The following PCDH15 variants were observed in gnomAD, a reference collection of about 807,000 sequenced individuals.
PCDH15 encodes the protein protocadherin related 15, also known as protocadherin-15.
Under a neutral mutation model 178.5 loss-of-function variants are expected in PCDH15, and 129 were observed. That is an observed-to-expected ratio of 0.72 (90% CI 0.63 to 0.84). PCDH15 has a LOEUF of 0.84. PCDH15 is among the 40% of genes least tolerant of loss of function. The pLI, the probability that PCDH15 is intolerant of heterozygous loss-of-function variation, is 0.00. For missense variants in PCDH15, 2,230 were observed against 2,099.9 expected (o/e 1.06, Z -1.21); for synonymous variants, 800 against 732.0 (o/e 1.09, Z -1.50).
chr10:55,323,413 C>T (rs1019527342), upstream of PCDH15, among the ~76,000 whole-genome samples: 1 of 152,120 alleles, frequency 6.6e-6, no homozygotes, highest in African/African-American at 2.4e-5. Context: ...CTTGGAAAAG[C>T]CAGAGACACT....
At chr10:55,468,895 T>A (rs1839898221) in intron 2 of PCDH15, among the ~76,000 whole-genome samples, 1 of 152,178 alleles carries the variant, frequency 6.6e-6, no homozygotes, top group Non-Finnish European at 1.5e-5. Flanking sequence ...GTCACCTAAT[T>A]AATTCTTGAA....
chr10:53,926,212 A>C (rs149693579), intron 25 of PCDH15, among the ~76,000 whole-genome samples: 4 of 152,128 alleles, frequency 2.6e-5, no homozygotes, highest in East Asian at 1.9e-4. Flanking sequence ...CATTCATTCT[A>C]TCTCTCTCCA....
At chr10:54,510,734 T>C (rs145541299) in intron 3 of PCDH15, among the ~76,000 whole-genome samples, 36 of 152,336 alleles carry the variant, frequency 2.4e-4, no homozygotes, top group African/African-American at 7.9e-4. Context: ...ATGTGACCAA[T>C]TGCAAACATA....
At chr10:54,289,139 G>A (rs1160668797) in intron 8 of PCDH15, among the ~76,000 whole-genome samples, 3 of 152,314 alleles carry the variant, frequency 2.0e-5, no homozygotes, top group African/African-American at 7.2e-5. Context: ...CATATAGGCA[G>A]GTGCCCCTCT....
chr10:55,169,311 A>C (rs1839272116), intron 1 of PCDH15, among the ~76,000 whole-genome samples: 2 of 152,204 alleles, frequency 1.3e-5, no homozygotes, highest in South Asian at 4.1e-4. Flanking sequence ...CAGTAAACAC[A>C]ATTTTATCTG....
intron 2 of PCDH15, among the ~76,000 whole-genome samples, chr10:54,965,834 A>G (rs988143236): frequency 6.6e-6 from 1 of 151,158 alleles, no homozygotes; most frequent in African/African-American, 2.4e-5. Flanking sequence ...TAGTTTACTC[A>G]TGAAAAACAA....
intron 2 of PCDH15, among the ~76,000 whole-genome samples, chr10:55,505,619 T>C (rs991847200): frequency 6.6e-6 from 1 of 151,240 alleles, no homozygotes; most frequent in Non-Finnish European, 1.5e-5. Flanking sequence ...GAGTCTGCAA[T>C]GGCAGGAGAA....
chr10:53,909,133 A>G (rs913026314), intron 25 of PCDH15, among the ~76,000 whole-genome samples: 6 of 152,146 alleles, frequency 3.9e-5, no homozygotes, highest in Non-Finnish European at 7.3e-5. Context: ...GTTTTCCCCA[A>G]TGTGTTCTCA....
At chr10:55,595,702 G>A (rs984383614) in intron 2 of PCDH15, among the ~76,000 whole-genome samples, 1 of 151,960 alleles carries the variant, frequency 6.6e-6, no homozygotes, top group Admixed American at 6.6e-5. Context: ...TCATCCTGGC[G>A]TTAAGATTAT....
In PCDH15 at chr10:55,334,242, A is replaced by ATGTGTGTGTGTG. The variant is rs1208145029; in HGVS notation, c.-155-167603_-155-167592dup. Among the ~76,000 whole-genome samples, 121 of 72,136 alleles carry ATGTGTGTGTGTG rather than the reference A, an allele frequency of 1.7e-3. 1 individual carries two copies. The highest frequency in any genetic ancestry group is 2.0e-3 in the African/African-American group (21 of 10,512). The allele number at this position is 72,136 out of a possible 152,430, so 47.3% of individuals were successfully genotyped here. ...GCTCCATATATATATATATATATAT[A>ATGTGTGTGTGTG]TGTGTGTGTGTGTGTGTGTGTGTGT... On this transcript the variant is annotated intron_variant, in intron 2 of 5. Transcript: ENST00000613346.
chr10:55,253,256 G>GAC (rs1841894554), intron 1 of PCDH15, among the ~76,000 whole-genome samples: 3 of 151,690 alleles, frequency 2.0e-5, no homozygotes, highest in Non-Finnish European at 2.9e-5. Flanking sequence ...GTGCGTGTGT[G>GAC]TGTGTGTGTG....
chr10:54,562,354 T>C (rs1455741503), intron 2 of PCDH15, among the ~76,000 whole-genome samples: 2 of 152,034 alleles, frequency 1.3e-5, no homozygotes, highest in African/African-American at 4.8e-5. Context: ...TCTTGAAAGG[T>C]TGGTAAGAAA....
chr10:54,644,305 A>T (rs2094070032), intron 2 of PCDH15, among the ~76,000 whole-genome samples: 2 of 149,048 alleles, frequency 1.3e-5, no homozygotes, highest in South Asian at 4.4e-4. Context: ...AAAATAACTG[A>T]AACCCAAATG....
chr10:55,490,725 T>A (rs1589076858), intron 2 of PCDH15, among the ~76,000 whole-genome samples: 1 of 151,628 alleles, frequency 6.6e-6, no homozygotes, highest in African/African-American at 2.4e-5. Flanking sequence ...CAGAAAAAAA[T>A]ATTTAAATAA....
chr10:54,210,185 A>C (rs1242387090), intron 10 of PCDH15, among the ~76,000 whole-genome samples: 1 of 151,996 alleles, frequency 6.6e-6, no homozygotes, highest in Admixed American at 6.6e-5. Flanking sequence ...ATTTATGTGG[A>C]AATCTATTTG....
chr10:54,731,478 T>C (rs1450904082), intron 1 of PCDH15, among the ~76,000 whole-genome samples: 1 of 147,156 alleles, frequency 6.8e-6, no homozygotes, highest in Admixed American at 6.9e-5. Flanking sequence ...ATTGCAGCAC[T>C]ATTTGCTATA....
At chr10:55,627,331 C>T (rs577979892) in intron 2 of PCDH15, among the ~76,000 whole-genome samples, 6 of 152,206 alleles carry the variant, frequency 3.9e-5, no homozygotes, top group African/African-American at 9.6e-5. Context: ...CTTTAAGAAA[C>T]TGAATAAAAT....
chr10:54,915,144 C>A (rs905541678), intron 2 of PCDH15, among the ~76,000 whole-genome samples: 6 of 152,106 alleles, frequency 3.9e-5, no homozygotes, highest in Non-Finnish European at 8.8e-5. Context: ...AAAGAACGAT[C>A]AAGATGTTTA....
intron 31 of PCDH15, 92 bp from the exon 32 acceptor site, chr10:53,827,640 A>T (rs796990064): frequency 7.1e-7 from 1 of 1,418,436 alleles, no homozygotes; most frequent in South Asian, 1.2e-5. Context: ...TCCAGTTATC[A>T]GGGGAACCCA....
Sources: allele counts gnomAD v4.1 joint callset (sites outside exome capture counted in the v4.1 genomes callset), GRCh38; gene constraint gnomAD v4.1.1; transcripts MANE v1.5; gene names NCBI Gene and HGNC (gene_info 2026-07-23, HGNC 2026-07-21).